THSD7B: variants seen among roughly 807,000 people sequenced by gnomAD.
THSD7B encodes the protein thrombospondin type 1 domain containing 7B.
THSD7B carries 138 observed loss-of-function variants against 213.6 expected under a neutral mutation model. The observed-to-expected ratio is 0.65, with a 90% confidence interval of 0.56 to 0.74. THSD7B has a LOEUF of 0.74. Among genes scored for constraint, THSD7B ranks in the 30% least tolerant of loss-of-function variants. THSD7B has a pLI of 0.00. For missense variants in THSD7B, 1,931 were observed against 1,991.5 expected, an observed-to-expected ratio of 0.97 and a Z score of 0.58; for synonymous variants, 742 against 687.0, an observed-to-expected ratio of 1.08 and a Z score of -1.25.
At chr2:137,519,964 C>T (rs558327522) in intron 15 of THSD7B, among the ~76,000 whole-genome samples, 11 of 152,100 alleles carry the variant, frequency 7.2e-5, no homozygotes, top group African/African-American at 9.7e-5. Flanking sequence ...TCCTTTCTGA[C>T]GTGGAAAGAA....
Position 137,234,201 on chromosome 2 carries a change from G to A in THSD7B, c.2150+1068G>A, listed in dbSNP as rs368320709. 2.2e-4 allele frequency among the ~76,000 whole-genome samples: 34 copies of A among 152,184 alleles called. 1 individual carries two copies. The highest frequency in any genetic ancestry group is 1.0e-3 in the Admixed American group (16 of 15,280). On this transcript the variant is annotated intron_variant, in intron 9 of 27. Coordinates refer to ENST00000409968, the MANE Select transcript of THSD7B (RefSeq NM_001316349.2). ...GAACAAATCCTGGCAGCACTGAACC[G>A]TGGTCCTGTCCCTACTGACTACACC...
intron 12 of THSD7B, among the ~76,000 whole-genome samples, chr2:137,360,837 C>G (rs1043774308): frequency 6.6e-6 from 1 of 152,220 alleles, no homozygotes; most frequent in African/African-American, 2.4e-5. Context: ...CCTTGTCTGA[C>G]AGCTCTGAAG....
rs189558970 is a variant in THSD7B at position 137,434,238 on chromosome 2, T to C, written c.2960-16607T>C. On this transcript the variant is annotated intron_variant, in intron 14 of 27. Transcript: ENST00000409968. ...TTGTTTATGAGGGTATCAGGAGACT[T>C]TTTGTCAAATTTCTTTCTGCATATG... Among the ~76,000 whole-genome samples the C allele has an allele frequency of 6.6e-5, 10 of 152,286 alleles. No homozygotes were observed. In the East Asian group the frequency reaches 1.9e-3, roughly 29 times the overall value.
At chr2:137,519,431 TC>T (rs1680137498) in intron 15 of THSD7B, among the ~76,000 whole-genome samples, 1 of 152,204 alleles carries the variant, frequency 6.6e-6, no homozygotes, top group African/African-American at 2.4e-5. Context: ...GAGCTGTTGT[TC>T]CTTCACCTGG....
chr2:137,580,289 C>A (rs913318692), intron 17 of THSD7B, among the ~76,000 whole-genome samples: 10 of 89,046 alleles, frequency 1.1e-4, no homozygotes, highest in Non-Finnish European at 2.3e-4. Context: ...AGATTTTTTT[C>A]ATCACTATTA....
At chr2:137,484,407 A>C (rs1688381099) in intron 15 of THSD7B, among the ~76,000 whole-genome samples, 1 of 126,106 alleles carries the variant, frequency 7.9e-6, no homozygotes, top group African/African-American at 3.1e-5. Flanking sequence ...CATTTTCTTA[A>C]TCCAGTCTAT....
At chr2:136,784,907 C>T (rs983096395) in intron 1 of THSD7B, among the ~76,000 whole-genome samples, 1 of 152,156 alleles carries the variant, frequency 6.6e-6, no homozygotes, top group Non-Finnish European at 1.5e-5. Context: ...TTTCCTCTGG[C>T]AAAACAATCT....
At chr2:137,491,047 T>C (rs1201865139) in intron 15 of THSD7B, among the ~76,000 whole-genome samples, 3 of 152,236 alleles carry the variant, frequency 2.0e-5, no homozygotes, top group African/African-American at 7.2e-5. Flanking sequence ...TGAAGGTTTA[T>C]AGAGTTATTT....
chr2:136,778,553 C>G (rs1681656569), intron 1 of THSD7B, among the ~76,000 whole-genome samples: 1 of 152,136 alleles, frequency 6.6e-6, no homozygotes, highest in African/African-American at 2.4e-5. Context: ...AAAAGACAAG[C>G]CAGGGGCTCC....
At chr2:137,660,837 A>G (rs926224846) in intron 25 of THSD7B, among the ~76,000 whole-genome samples, 5 of 152,214 alleles carry the variant, frequency 3.3e-5, no homozygotes, top group African/African-American at 1.2e-4. Flanking sequence ...AAAATATCAT[A>G]TTTATGTTAT....
intron 12 of THSD7B, among the ~76,000 whole-genome samples, chr2:137,387,959 A>G (rs971850636): frequency 1.3e-5 from 2 of 152,188 alleles, no homozygotes; most frequent in Admixed American, 6.5e-5. Flanking sequence ...CAGATTACTG[A>G]TATGTATATG....
At chr2:137,432,832 T>A (rs1282507202) in intron 14 of THSD7B, among the ~76,000 whole-genome samples, 1 of 152,184 alleles carries the variant, frequency 6.6e-6, no homozygotes, top group Non-Finnish European at 1.5e-5. Flanking sequence ...AGCCTTTTCC[T>A]CAACTTCACC....
At chr2:136,777,522 T>C (rs921257586) in intron 1 of THSD7B, among the ~76,000 whole-genome samples, 3 of 152,144 alleles carry the variant, frequency 2.0e-5, no homozygotes, top group African/African-American at 7.2e-5. Flanking sequence ...CAAAAGACAT[T>C]TTCCAGTCTC....
chr2:137,598,007 T>C (rs1410558969), intron 17 of THSD7B, among the ~76,000 whole-genome samples: 1 of 152,146 alleles, frequency 6.6e-6, no homozygotes, highest in Non-Finnish European at 1.5e-5. Context: ...CTTGAGTCTC[T>C]CTTCCTATCT....
intron 2 of THSD7B, among the ~76,000 whole-genome samples, chr2:137,013,101 A>G (rs149193457): frequency 7.2e-5 from 11 of 152,218 alleles, no homozygotes; most frequent in Non-Finnish European, 1.6e-4. Context: ...ATTACTTTTA[A>G]TTCTGTGAAA....
chr2:137,583,963 T>A (rs992108139), intron 17 of THSD7B, among the ~76,000 whole-genome samples: 8 of 152,206 alleles, frequency 5.3e-5, no homozygotes, highest in African/African-American at 1.9e-4. Flanking sequence ...ATTCTTCCTA[T>A]CCATGAGCAT....
At chr2:137,379,307 C>G (rs969262673) in intron 12 of THSD7B, among the ~76,000 whole-genome samples, 18 of 152,300 alleles carry the variant, frequency 1.2e-4, no homozygotes, top group Admixed American at 7.8e-4. Flanking sequence ...TATAATTGGG[C>G]TCCTGCAGCC....
intron 2 of THSD7B, among the ~76,000 whole-genome samples, chr2:136,925,961 C>T (rs375356312): frequency 6.6e-6 from 1 of 152,264 alleles, no homozygotes; most frequent in East Asian, 1.9e-4. Flanking sequence ...TGAAATTCCT[C>T]TAAAAGTACA....
At chr2:137,235,621 T>C (rs10197963) in intron 9 of THSD7B, among the ~76,000 whole-genome samples, 34,593 of 152,166 alleles carry the variant, frequency 0.23, 4,787 homozygotes, top group South Asian at 0.43. Context: ...CACATCAGCT[T>C]ACTCAAATGT....
Sources: allele counts gnomAD v4.1 joint callset (sites outside exome capture counted in the v4.1 genomes callset), GRCh38; gene constraint gnomAD v4.1.1; transcripts MANE v1.5; gene names NCBI Gene and HGNC (gene_info 2026-07-23, HGNC 2026-07-21).